SERPINA9: variants seen among roughly 807,000 people sequenced by gnomAD.
The protein encoded by SERPINA9 is serpin A9.
Under a neutral mutation model 24.5 loss-of-function variants are expected in SERPINA9, and 32 were observed. That is an observed-to-expected ratio of 1.30 (90% confidence interval 0.98 to 1.75). The LOEUF is 1.75. Ranked by LOEUF, SERPINA9 falls within the 40% of genes most tolerant of loss-of-function variation. The pLI is 0.00. For synonymous variants in SERPINA9, 233 were observed against 197.7 expected (o/e 1.18, Z -1.50); for missense variants, 594 against 497.1 (o/e 1.19, Z -1.85).
intron 1 of SERPINA9, 133 bp downstream of exon 1, chr14:94,476,003 T>G (rs568917783): frequency 7.2e-7 from 1 of 1,386,086 alleles, no homozygotes. Flanking sequence ...AAAAGCCAAC[T>G]AATGTGTCTA....
intron 1 of SERPINA9, among the ~76,000 whole-genome samples, chr14:94,473,999 T>C (rs1418839104): frequency 6.6e-6 from 1 of 152,226 alleles, no homozygotes; most frequent in African/African-American, 2.4e-5. Context: ...AAGCTGCATC[T>C]CTCTTGTGGC....
intron 2 of SERPINA9, among the ~76,000 whole-genome samples, chr14:94,468,085 T>G (rs939313804): frequency 2.0e-5 from 3 of 151,908 alleles, no homozygotes; most frequent in African/African-American, 7.3e-5. Context: ...GATTCATGGA[T>G]GAATGACAGA....
At chr14:94,464,301 CTCTCTCTCT>C in intron 4 of SERPINA9, 1 of 194,344 alleles carries the variant, frequency 5.1e-6, no homozygotes, top group Non-Finnish European at 1.0e-5. Flanking sequence ...CTCTCTCTCT[CTCTCTCTCT>C]CTCTCTCTCC....
At position 94,467,328 on chromosome 14, in the gene SERPINA9, A is replaced by C; in HGVS notation, c.683T>G (p.Leu228Arg). Residue 228 changes from leucine to arginine, a missense_variant, in exon 3 of 5, where the codon CTG becomes CGG. Transcript: ENST00000674397. ...PEYTRKNFPF[L>R]VGEQVTVHVP... is the part of the protein sequence containing the mutation. ...ATGCACAGTGACCTGCTCGCCCACC[A>C]GGAATGGGAAGTTCTTTCTTGTATA... 1 of 1,614,018 alleles carries C rather than the reference A, an allele frequency of 6.2e-7. No homozygotes were observed. The highest frequency in any genetic ancestry group is 1.3e-5 in the African/African-American group (1 of 75,072).
chr14:94,470,509 C>T (rs73338614), intron 1 of SERPINA9, among the ~76,000 whole-genome samples: 3,909 of 152,314 alleles, frequency 0.026, 170 homozygotes, highest in African/African-American at 0.089. Flanking sequence ...ATGGCTTTGG[C>T]CCCAAGGAGA....
chr14:94,470,726 C>T (rs572097037), intron 1 of SERPINA9, among the ~76,000 whole-genome samples: 5 of 152,286 alleles, frequency 3.3e-5, no homozygotes, highest in East Asian at 3.9e-4. Flanking sequence ...ACATGGTGAG[C>T]GCTGAATACA....
At chr14:94,468,412 A>T (rs960602228) in intron 2 of SERPINA9, among the ~76,000 whole-genome samples, 1 of 151,908 alleles carries the variant, frequency 6.6e-6, no homozygotes, top group African/African-American at 2.4e-5. Flanking sequence ...GGACAGAGGA[A>T]GGGAGGGATG....
At chr14:94,467,014 G>A in intron 3 of SERPINA9, 95 bp downstream of exon 3, 5 of 1,396,976 alleles carry the variant, frequency 3.6e-6, no homozygotes, top group South Asian at 2.7e-5. Flanking sequence ...CTGTGCAGAA[G>A]TGATTATCCA....
At chr14:94,467,069 C>A in intron 3 of SERPINA9, 40 bp downstream of exon 3, 2 of 1,594,166 alleles carry the variant, frequency 1.3e-6, no homozygotes, top group African/African-American at 1.3e-5. Context: ...ATGTGTGCAT[C>A]CCCTGCCTCA....
chr14:94,463,230 T>C lies in SERPINA9; in HGVS notation c.1117A>G (p.Lys373Glu), dbSNP rs1320685935. 2 of 1,613,916 alleles carry C rather than the reference T, an allele frequency of 1.2e-6. No individual in the cohort carries two copies. The highest frequency in any genetic ancestry group is 1.7e-6 in the Non-Finnish European group (2 of 1,179,918). The change falls in exon 5 of 5, where the codon AAG (lysine) becomes GAG (glutamate). Residue 373 changes from lysine (K) to glutamate (E), a missense_variant. By Grantham distance (56) the Lys-to-Glu change is moderately conservative (BLOSUM62 1). Transcript: ENST00000674397. ...GTEATAATTT[K>E]FIVRSKDGPS... Reference sequence around the variant, plus strand: ...CCATCCTTCGATCGGACTATGAACTTGGTGGTGGTAGCTGCTGTGGCCTCA... The same window carrying C: ...CCATCCTTCGATCGGACTATGAACTCGGTGGTGGTAGCTGCTGTGGCCTCA...
chr14:94,467,416 A>G (rs1899062226), intron 2 of SERPINA9, 34 bp from the exon 3 acceptor site: 1 of 1,558,468 alleles, frequency 6.4e-7, no homozygotes, highest in East Asian at 2.3e-5. Context: ...TCTTTATGTC[A>G]AAGTACAATT....
chr14:94,470,280 C>A (rs1899248580), intron 1 of SERPINA9: 7 of 873,684 alleles, frequency 8.0e-6, no homozygotes, highest in Admixed American at 6.0e-5. Flanking sequence ...CATTCTTTAT[C>A]CATTTTGTGT....
At chr14:94,466,451 T>A (rs541465266) in intron 3 of SERPINA9, among the ~76,000 whole-genome samples, 1 of 152,338 alleles carries the variant, frequency 6.6e-6, no homozygotes, top group Non-Finnish European at 1.5e-5. Flanking sequence ...CTTCCCAGAC[T>A]ATGAGCACCA....
rs1359284990 is a variant in SERPINA9 at position 94,464,295 on chromosome 14, CT to C, written c.1050+411del. Reference sequence around the variant, plus strand: ...CCTCTCTCTCTCTCTCTCTCTCTCTCTCTCTCTCTCTCTCTCTCTCTCTCCT... The same window carrying C: ...CCTCTCTCTCTCTCTCTCTCTCTCTCCTCTCTCTCTCTCTCTCTCTCTCCT... On this transcript the variant is annotated intron_variant, in intron 4 of 4. Transcript: ENST00000674397. 8.1e-4 allele frequency: 175 copies of C among 215,896 alleles called. 2 individuals are homozygous for C. The highest frequency in any genetic ancestry group is 3.1e-3 in the Middle Eastern group (2 of 640). 13.4% of individuals were successfully genotyped at this position (215,896 alleles called of 1,614,324 possible). A position where few individuals can be genotyped will look rare whatever the true frequency, so the allele number is the denominator to read the frequency against.
rs904442339 is a variant in SERPINA9, at chr14:94,476,186, T to G, written c.-68A>C. On this transcript the variant is annotated 5_prime_UTR_variant, in exon 1 of 5. Coordinates refer to ENST00000674397, the MANE Select transcript of SERPINA9 (RefSeq NM_175739.4). ...CTGTCCTTGCATGGTTGGTGAGCCC[T>G]GACACTTGCTTACTTGGTTGTAGCT... is the stretch of plus-strand genomic sequence containing the variant. 19 of 1,614,072 alleles carry G rather than the reference T, an allele frequency of 1.2e-5. No individual in the cohort carries two copies. Among genetic ancestry groups the G allele is most frequent in the Non-Finnish European group, 1.6e-5 (19 of 1,180,032 alleles).
At chr14:94,474,184 T>C (rs1033604262) in intron 1 of SERPINA9, among the ~76,000 whole-genome samples, 1 of 152,202 alleles carries the variant, frequency 6.6e-6, no homozygotes, top group African/African-American at 2.4e-5. Context: ...TCTGTGCCCC[T>C]TTCTGTGGAG....
At chr14:94,465,688 C>T (rs879262748) in intron 3 of SERPINA9, among the ~76,000 whole-genome samples, 6 of 152,206 alleles carry the variant, frequency 3.9e-5, no homozygotes, top group Admixed American at 2.0e-4. Flanking sequence ...TGGCCATGCC[C>T]GGCTAATTTT....
At chr14:94,468,160 T>C (rs1899110002) in intron 2 of SERPINA9, among the ~76,000 whole-genome samples, 1 of 149,588 alleles carries the variant, frequency 6.7e-6, no homozygotes, top group South Asian at 2.1e-4. Context: ...ATGAATAGAT[T>C]AATGGACAGG....
Position 94,467,260 on chromosome 14 carries a change from C to T in SERPINA9, c.751G>A (p.Asp251Asn), listed in dbSNP as rs1362775364. ...HQKEQFAFGVDTELNCFVLQM... is the reference protein window; with the variant it reads ...HQKEQFAFGVNTELNCFVLQM... The stretch of plus-strand genomic sequence containing the variant: ...AGCACAAAGCAGTTCAGCTCTGTAT[C>T]CACCCCAAAAGCGAACTGCTCTTTC... The change falls in exon 3 of 5, where the codon GAT becomes AAT. Residue 251 changes from aspartate (D) to asparagine (N), a missense_variant. Coordinates refer to ENST00000674397, the MANE Select transcript of SERPINA9 (RefSeq NM_175739.4). 6.2e-7 allele frequency: 1 copy of T among 1,614,204 alleles called. No individual in the cohort carries two copies. Among genetic ancestry groups the T allele is most frequent in the Non-Finnish European group, 8.5e-7 (1 of 1,180,034 alleles).
Sources: gnomAD v4.1 joint callset for allele counts (sites outside exome capture counted in the v4.1 genomes callset) on GRCh38, gnomAD v4.1.1 for gene constraint, MANE v1.5 for transcripts, NCBI Gene and HGNC (gene_info 2026-07-23, HGNC 2026-07-21) for gene names.